FOLR2: variants seen among roughly 807,000 people sequenced by gnomAD.
FOLR2 encodes the protein folate receptor 2 (fetal).
In FOLR2, 14 loss-of-function variants were observed where a neutral mutation model predicts 20.4. The observed-to-expected ratio is 0.68, with a 90% CI of 0.45 to 1.07. The LOEUF (loss-of-function observed/expected upper bound fraction) is 1.07, where lower values mean the gene tolerates loss of function less well. Among genes scored for constraint, FOLR2 ranks in the 50% least tolerant of loss-of-function variants. The pLI is 0.00. For synonymous variants in FOLR2, 114 were observed against 114.3 expected (o/e 1.00, Z 0.02); for missense variants, 269 against 322.6 (o/e 0.83, Z 1.27).
intron 2 of FOLR2, among the ~76,000 whole-genome samples, chr11:72,220,061 T>C (rs1948458280): frequency 6.6e-6 from 1 of 152,168 alleles, no homozygotes; most frequent in Admixed American, 6.5e-5. Flanking sequence ...CAGGGTGGTC[T>C]CAAACTCCTG....
Position 72,218,541 on chromosome 11 carries a change from A to T in FOLR2, c.-24-20A>T. The T allele has an allele frequency of 6.3e-7, 1 of 1,598,822 alleles. No individual in the cohort carries two copies. Among genetic ancestry groups the T allele is most frequent in the Non-Finnish European group, 8.5e-7 (1 of 1,172,532 alleles). Reference sequence around the variant, plus strand: ...CAGCTTGGAGCCCTTTCCCCTCAGGACTTGGTTTCCCTACCCTAGCTCCGC... The same window carrying T: ...CAGCTTGGAGCCCTTTCCCCTCAGGTCTTGGTTTCCCTACCCTAGCTCCGC... On this transcript the variant is annotated intron_variant, in intron 1 of 4. Transcript: ENST00000298223.
Position 72,216,801 on chromosome 11 carries a change from G to A in FOLR2, c.-149G>A, listed in dbSNP as rs1003595708. On this transcript the variant is annotated 5_prime_UTR_variant, in exon 1 of 5. Transcript: ENST00000298223. ...TTTCACTCAGTGCTTACCAGAGCGC[G>A]TTGTCTACCCTGTACCGAAGACAGA... 31 of 1,231,776 alleles carry A rather than the reference G, an allele frequency of 2.5e-5. No individual in the cohort carries two copies. Among genetic ancestry groups the A allele is most frequent in the Admixed American group, 1.3e-4 (7 of 54,748 alleles). 76.3% of individuals were successfully genotyped at this position (1,231,776 alleles called of 1,614,324 possible).
In FOLR2 at chr11:72,221,067, T is replaced by TCGGGGGGGGGGGGCCCCCCC; in HGVS notation, c.339+10_339+11insGGGGGGGGGGGGCCCCCCCC. The TCGGGGGGGGGGGGCCCCCCC allele has an allele frequency of 2.4e-5, 37 of 1,569,728 alleles. No homozygotes were observed. Among genetic ancestry groups the TCGGGGGGGGGGGGCCCCCCC allele is most frequent in the Non-Finnish European group, 3.0e-5 (35 of 1,154,586 alleles). ...GGCCCTGGATCCAGCAGGTAGGGTG[T>TCGGGGGGGGGGGGCCCCCCC]CTCCCCCCCACCCACCCCAGCAGAC... On this transcript the variant is annotated intron_variant, in intron 3 of 4. Transcript: ENST00000298223.
Position 72,220,894 on chromosome 11 carries a change from T to C in FOLR2, c.175T>C (p.Cys59Arg), listed in dbSNP as rs755956802. Residue 59 changes from cysteine (C) to arginine (R), a missense_variant, in exon 3 of 5, where the codon TGC becomes CGC. Physicochemically the swap from Cys to Arg is radical, Grantham distance 180. Coordinates refer to ENST00000298223, the MANE Select transcript of FOLR2 (RefSeq NM_000803.5). ...DQCSPWKKNA[C>R]CTASTSQELH... The stretch of plus-strand genomic sequence containing the variant: ...GTGCAGTCCCTGGAAGAAGAATGCC[T>C]GCTGCACAGCCAGCACCAGCCAGGA... 3 of 1,613,978 alleles carry C rather than the reference T, an allele frequency of 1.9e-6. No homozygotes were observed. Among genetic ancestry groups the C allele is most frequent in the Non-Finnish European group, 8.5e-7 (1 of 1,179,890 alleles).
intron 2 of FOLR2, among the ~76,000 whole-genome samples, chr11:72,219,179 C>T (rs1338315898): frequency 2.0e-5 from 3 of 152,058 alleles, no homozygotes; most frequent in Non-Finnish European, 2.9e-5. Context: ...ACTAGGGAGT[C>T]GCTGGCTTTT....
At chr11:72,221,434 G>A in intron 4 of FOLR2, 36 bp from the exon 5 acceptor site, 1 of 1,604,318 alleles carries the variant, frequency 6.2e-7, no homozygotes. Context: ...GGGCCCAGGG[G>A]CTGAAAGTCT....
chr11:72,221,067 T>TCGGGGGGGGGGC lies in FOLR2; in HGVS notation c.339+10_339+11insGGGGGGGGGGCC. 61 of 1,569,370 alleles carry TCGGGGGGGGGGC rather than the reference T, an allele frequency of 3.9e-5. No individual in the cohort carries two copies. Among genetic ancestry groups the TCGGGGGGGGGGC allele is most frequent in the Non-Finnish European group, 5.1e-5 (59 of 1,154,226 alleles). ...GGCCCTGGATCCAGCAGGTAGGGTG[T>TCGGGGGGGGGGC]CTCCCCCCCACCCACCCCAGCAGAC... On this transcript the variant is annotated intron_variant, in intron 3 of 4. Transcript: ENST00000298223.
At position 72,221,067 on chromosome 11, in the gene FOLR2, T is replaced by TCGGGGGGGGGGCGCCCCCCCCCCCCC; in HGVS notation, c.339+10_339+11insGGGGGGGGGGCGCCCCCCCCCCCCCC. 2 of 1,570,104 alleles carry TCGGGGGGGGGGCGCCCCCCCCCCCCC rather than the reference T, an allele frequency of 1.3e-6. No individual in the cohort carries two copies. The highest frequency in any genetic ancestry group is 1.7e-6 in the Non-Finnish European group (2 of 1,154,902). On this transcript the variant is annotated intron_variant, in intron 3 of 4. Transcript: ENST00000298223. ...GGCCCTGGATCCAGCAGGTAGGGTG[T>TCGGGGGGGGGGCGCCCCCCCCCCCCC]CTCCCCCCCACCCACCCCAGCAGAC...
chr11:72,218,540 G>A, intron 1 of FOLR2, 21 bp from the exon 2 acceptor site: 1 of 1,598,230 alleles, frequency 6.3e-7, no homozygotes, highest in East Asian at 2.3e-5. Flanking sequence ...TTCCCCTCAG[G>A]ACTTGGTTTC....
intron 2 of FOLR2, among the ~76,000 whole-genome samples, chr11:72,219,440 G>A (rs150786338): frequency 1.3e-5 from 2 of 152,160 alleles, no homozygotes; most frequent in African/African-American, 4.8e-5. Context: ...TCAACATAAT[G>A]CTCTGTAATA....
chr11:72,217,963 T>C (rs1948419952), intron 1 of FOLR2, among the ~76,000 whole-genome samples: 1 of 152,070 alleles, frequency 6.6e-6, no homozygotes, highest in South Asian at 2.1e-4. Context: ...TTTCAGAGAA[T>C]AGGGAAGGAA....
chr11:72,220,773 T>C (rs1240051563), intron 2 of FOLR2, 97 bp from the exon 3 acceptor site: 1 of 1,497,708 alleles, frequency 6.7e-7, no homozygotes, highest in East Asian at 2.4e-5. Context: ...ACAACCTGCC[T>C]AGGGCAGAGG....
Position 72,221,014 on chromosome 11 carries a change from T to A in FOLR2, c.295T>A (p.Cys99Ser), listed in dbSNP as rs765983993. The change falls in exon 3 of 5, where the codon TGT becomes AGT. Residue 99 changes from cysteine to serine, a missense_variant. Physicochemically the swap from Cys to Ser is moderately radical, Grantham distance 112. Coordinates refer to ENST00000298223, the MANE Select transcript of FOLR2 (RefSeq NM_000803.5). ...CAAGCGCCACTTCATCCAGGACACC[T>A]GTCTCTATGAGTGCTCACCCAACCT... ...ACKRHFIQDTCLYECSPNLGP... is the reference protein window; with the variant it reads ...ACKRHFIQDTSLYECSPNLGP... 6.2e-7 allele frequency: 1 copy of A among 1,613,856 alleles called. No homozygotes were observed. Among genetic ancestry groups the A allele is most frequent in the East Asian group, 2.2e-5 (1 of 44,886 alleles).
chr11:72,219,158 G>A (rs1257922606), intron 2 of FOLR2, among the ~76,000 whole-genome samples: 1 of 152,160 alleles, frequency 6.6e-6, no homozygotes, highest in Non-Finnish European at 1.5e-5. Flanking sequence ...TCCTCCTTTG[G>A]TGGGTGACAG....
Position 72,216,925 on chromosome 11 carries a change from G to A in FOLR2, c.-25G>A. Reference sequence around the variant, plus strand: ...TGCTCCCAGCAGCAACGGAGGTTCAGGCAAGATGCCCGAAGGAGGGAAGGG... The same window carrying A: ...TGCTCCCAGCAGCAACGGAGGTTCAAGCAAGATGCCCGAAGGAGGGAAGGG... On this transcript the variant is annotated splice_region_variant and 5_prime_UTR_variant, in exon 1 of 5. Transcript: ENST00000298223. The A allele has an allele frequency of 2.5e-6, 4 of 1,599,576 alleles. No individual in the cohort carries two copies. Among genetic ancestry groups the A allele is most frequent in the Non-Finnish European group, 3.4e-6 (4 of 1,179,798 alleles).
In FOLR2 at chr11:72,221,067, T is replaced by TCGGGGGGGGGGGCGCC; in HGVS notation, c.339+10_339+11insGGGGGGGGGGGCGCCC. 2 of 1,570,116 alleles carry TCGGGGGGGGGGGCGCC rather than the reference T, an allele frequency of 1.3e-6. No homozygotes were observed. The highest frequency in any genetic ancestry group is 1.7e-6 in the Non-Finnish European group (2 of 1,154,912). ...GGCCCTGGATCCAGCAGGTAGGGTG[T>TCGGGGGGGGGGGCGCC]CTCCCCCCCACCCACCCCAGCAGAC... On this transcript the variant is annotated intron_variant, in intron 3 of 4. Coordinates refer to ENST00000298223, the MANE Select transcript of FOLR2 (RefSeq NM_000803.5).
intron 2 of FOLR2, among the ~76,000 whole-genome samples, chr11:72,220,633 C>A (rs776641376): frequency 3.3e-5 from 5 of 152,202 alleles, no homozygotes; most frequent in Non-Finnish European, 7.3e-5. Flanking sequence ...CTATTATTCC[C>A]AAGACAGGGT....
In FOLR2 at chr11:72,221,744, A is replaced by T. The variant is rs141089837; in HGVS notation, c.750A>T (p.Gln250His). 2 of 1,613,182 alleles carry T rather than the reference A, an allele frequency of 1.2e-6. No individual in the cohort carries two copies. Among genetic ancestry groups the T allele is most frequent in the East Asian group, 2.2e-5 (1 of 44,842 alleles). The change falls in exon 5 of 5, where the codon CAA becomes CAT. Residue 250 changes from glutamine (Q) to histidine (H), a missense_variant. Gln to His is a conservative substitution (Grantham distance 24). Coordinates refer to ENST00000298223, the MANE Select transcript of FOLR2 (RefSeq NM_000803.5). ...TGCTCAGTCTGGCCCTGATGCTGCA[A>T]CTCTGGCTCCTTGGCTGAGTTCAGT... ...GLLLSLALML[Q>H]LWLLG
In FOLR2 at chr11:72,221,464, C is replaced by G; in HGVS notation, c.476-6C>G. ...AAGTCTGTGTCCACCATGCCTCTCC[C>G]TGCAGGAGTTAACAAGTGCCCAGCT... On this transcript the variant is annotated splice_region_variant and splice_polypyrimidine_tract_variant and intron_variant, in intron 4 of 4. Coordinates refer to ENST00000298223, the MANE Select transcript of FOLR2 (RefSeq NM_000803.5). The G allele has an allele frequency of 6.2e-7, 1 of 1,613,120 alleles. No homozygotes were observed. Among genetic ancestry groups the G allele is most frequent in the Non-Finnish European group, 8.5e-7 (1 of 1,179,326 alleles).
Sources: gnomAD v4.1 joint callset for allele counts (sites outside exome capture counted in the v4.1 genomes callset) on GRCh38, gnomAD v4.1.1 for gene constraint, MANE v1.5 for transcripts, NCBI Gene and HGNC (gene_info 2026-07-23, HGNC 2026-07-21) for gene names.